Variants in CIMAP3 observed in about 807,000 individuals in gnomAD.
The protein encoded by CIMAP3 is ciliary microtubule associated protein 3.
At chr1:111,352,129 T>G in the CIMAP3 span, 4 of 152,218 alleles carry the variant, frequency 2.6e-5, no homozygotes, top group African/African-American at 9.6e-5. Context: ...CAGACTGACT[T>G]GTAAGCAGCT....
chr1:111,337,497 A>G, the CIMAP3 span, among the ~76,000 whole-genome samples: 7 of 152,182 alleles, frequency 4.6e-5, no homozygotes, highest in South Asian at 1.2e-3. Flanking sequence ...AAAAGGATGG[A>G]GGAAGATCTA....
chr1:111,329,554 T>TATATATATAC, the CIMAP3 span, among the ~76,000 whole-genome samples: 2 of 117,372 alleles, frequency 1.7e-5, no homozygotes, highest in East Asian at 4.6e-4. Context: ...TATATATATA[T>TATATATATAC]ATATAATTTT....
chr1:111,326,320 G>T, the CIMAP3 span, among the ~76,000 whole-genome samples: 1 of 151,986 alleles, frequency 6.6e-6, no homozygotes, highest in African/African-American at 2.4e-5. Context: ...ACTCTTTCCA[G>T]CCTCTAGTAT....
At chr1:111,339,318 C>T in the CIMAP3 span, among the ~76,000 whole-genome samples, 1 of 149,864 alleles carries the variant, frequency 6.7e-6, no homozygotes, top group South Asian at 2.1e-4. Flanking sequence ...CCTCTCTCAC[C>T]ACTCCTATTC....
the CIMAP3 span, among the ~76,000 whole-genome samples, chr1:111,335,146 AAAAAAAAGAC>A: frequency 7.2e-6 from 1 of 139,696 alleles, no homozygotes; most frequent in Non-Finnish European, 1.6e-5. Flanking sequence ...AAAAAAAAAA[AAAAAAAAGAC>A]AGAAAAAAAA....
chr1:111,341,421 T>C, the CIMAP3 span, among the ~76,000 whole-genome samples: 1 of 152,124 alleles, frequency 6.6e-6, no homozygotes, highest in Non-Finnish European at 1.5e-5. Context: ...ATCAGATATA[T>C]AGAAAGGGAA....
the CIMAP3 span, among the ~76,000 whole-genome samples, chr1:111,350,545 C>T: frequency 6.6e-6 from 1 of 152,182 alleles, no homozygotes; most frequent in Non-Finnish European, 1.5e-5. Context: ...GCAGGTTTCA[C>T]TACTGGAATC....
the CIMAP3 span, chr1:111,351,607 C>A: frequency 7.2e-6 from 2 of 276,860 alleles, no homozygotes; most frequent in African/African-American, 2.2e-5. Context: ...TTTGTGGGCC[C>A]CTGCTCTCTA....
chr1:111,334,215 A>C, the CIMAP3 span, among the ~76,000 whole-genome samples: 1 of 152,202 alleles, frequency 6.6e-6, no homozygotes. Flanking sequence ...AATAACTAAA[A>C]TATATATGTT....
At chr1:111,339,763 GA>G in the CIMAP3 span, among the ~76,000 whole-genome samples, 1 of 151,824 alleles carries the variant, frequency 6.6e-6, no homozygotes, top group South Asian at 2.1e-4. Flanking sequence ...TCAATATCGT[GA>G]AAATGGCCAT....
At chr1:111,340,555 C>T in the CIMAP3 span, among the ~76,000 whole-genome samples, 2 of 152,048 alleles carry the variant, frequency 1.3e-5, no homozygotes, top group Admixed American at 1.3e-4. Context: ...AGGACATGAA[C>T]AGACACTTCT....
the CIMAP3 span, among the ~76,000 whole-genome samples, chr1:111,326,491 T>A: frequency 6.6e-6 from 1 of 152,210 alleles, no homozygotes; most frequent in East Asian, 1.9e-4. Flanking sequence ...TCTTTTTTTA[T>A]AACCAAATAG....
chr1:111,340,860 T>C, the CIMAP3 span, among the ~76,000 whole-genome samples: 1 of 152,124 alleles, frequency 6.6e-6, no homozygotes, highest in African/African-American at 2.4e-5. Context: ...TTACTGGGTA[T>C]ATACCCAAAG....
chr1:111,350,362 G>T, the CIMAP3 span: 1 of 677,256 alleles, frequency 1.5e-6, no homozygotes, highest in Non-Finnish European at 2.6e-6. Context: ...AATTTTGTGT[G>T]TATATGAATC....
the CIMAP3 span, among the ~76,000 whole-genome samples, chr1:111,337,426 C>T: frequency 7.1e-3 from 1,083 of 151,992 alleles, 11 homozygotes; most frequent in African/African-American, 0.024. Flanking sequence ...AGTCAAGACC[C>T]ATCACTGTGC....
At chr1:111,347,054 G>A in the CIMAP3 span, 4 of 1,607,470 alleles carry the variant, frequency 2.5e-6, no homozygotes, top group Non-Finnish European at 3.4e-6. Flanking sequence ...TCAGATGTGA[G>A]TATTCACCTC....
At chr1:111,339,873 A>T in the CIMAP3 span, among the ~76,000 whole-genome samples, 1 of 151,808 alleles carries the variant, frequency 6.6e-6, no homozygotes, top group Non-Finnish European at 1.5e-5. Context: ...TTCATATGGA[A>T]CCAAAAAAGA....
At chr1:111,352,005 C>A in the CIMAP3 span, 1 of 152,220 alleles carries the variant, frequency 6.6e-6, no homozygotes, top group Non-Finnish European at 1.5e-5. Context: ...GGCCTGAAGT[C>A]AGAGGAGGAC....
chr1:111,352,207 AAAT>A, the CIMAP3 span: 2 of 152,568 alleles, frequency 1.3e-5, no homozygotes, highest in Non-Finnish European at 2.9e-5. Flanking sequence ...GCACTAGCTG[AAAT>A]AATCAAGTAT....
Sources: allele counts gnomAD v4.1 joint callset (sites outside exome capture counted in the v4.1 genomes callset), GRCh38; gene constraint gnomAD v4.1.1; transcripts MANE v1.5; gene names NCBI Gene and HGNC (gene_info 2026-07-23, HGNC 2026-07-21).